Variants in EFR3B observed in about 807,000 individuals in gnomAD.
EFR3B encodes EFR3 homolog B.
A neutral mutation model predicts 104.7 loss-of-function variants in EFR3B; 64 were observed. The observed-to-expected ratio is 0.61, with a 90% CI of 0.50 to 0.75. The LOEUF (loss-of-function observed/expected upper bound fraction) is 0.75, where lower values mean the gene tolerates loss of function less well. EFR3B is among the 30% of genes least tolerant of loss of function. EFR3B has a pLI of 0.00. For missense variants in EFR3B, 750 were observed against 1,078.5 expected (o/e 0.70, Z 4.27); for synonymous variants, 385 against 417.9 (o/e 0.92, Z 0.96).
intron 1 of EFR3B, among the ~76,000 whole-genome samples, chr2:25,056,650 C>T (rs1668030697): frequency 6.6e-6 from 1 of 151,994 alleles, no homozygotes; most frequent in Non-Finnish European, 1.5e-5. Flanking sequence ...CTTCCCATTG[C>T]TGTCATCCAG....
In EFR3B at chr2:25,155,544, A is replaced by C. The variant is rs1395265445; in HGVS notation, c.*1204A>C. On this transcript the variant is annotated 3_prime_UTR_variant, in exon 23 of 23. Transcript: ENST00000403714. ...AATGAGGATGTGCAGAGAGGAGCTAACGCGGAGCCGGGCAGAGCCACCCAG... is the reference window on the plus strand; with the variant it reads ...AATGAGGATGTGCAGAGAGGAGCTACCGCGGAGCCGGGCAGAGCCACCCAG... 6.6e-6 allele frequency: 1 copy of C among 152,146 alleles called. No individual in the cohort carries two copies. 9.4% of individuals were successfully genotyped at this position (152,146 alleles called of 1,614,324 possible).
At chr2:25,067,423 T>G (rs1301566978) in intron 1 of EFR3B, among the ~76,000 whole-genome samples, 1 of 144,234 alleles carries the variant, frequency 6.9e-6, no homozygotes, top group Non-Finnish European at 1.5e-5. Flanking sequence ...CTTTTTAGTT[T>G]TTGTTTTTTT....
chr2:25,078,843 C>T (rs1189086078), intron 1 of EFR3B, among the ~76,000 whole-genome samples: 1 of 152,130 alleles, frequency 6.6e-6, no homozygotes, highest in Non-Finnish European at 1.5e-5. Flanking sequence ...TGTCAGGATC[C>T]GCCAGGTGTC....
chr2:25,057,534 C>T (rs1386969182), intron 1 of EFR3B, among the ~76,000 whole-genome samples: 2 of 152,162 alleles, frequency 1.3e-5, no homozygotes, highest in Non-Finnish European at 2.9e-5. Context: ...GTAATCCCAA[C>T]ACTTTGGGAG....
Position 25,154,179 on chromosome 2 carries a change from T to TG in EFR3B, c.2349-53dup. 6.7e-7 allele frequency: 1 copy of TG among 1,494,752 alleles called. No homozygotes were observed. The highest frequency in any genetic ancestry group is 9.1e-7 in the Non-Finnish European group (1 of 1,096,744). 92.6% of individuals were successfully genotyped at this position (1,494,752 alleles called of 1,614,324 possible). A position where few individuals can be genotyped will look rare whatever the true frequency, so the allele number is the denominator to read the frequency against. ...CCTACTCTGTTTGGTTGCACAAGGG[T>TG]GGGATCCTAAAATTCTCTTTTCATG... On this transcript the variant is annotated intron_variant, in intron 22 of 22. Transcript: ENST00000403714. The surrounding 1 kb of genome is among the most constrained non-coding windows in gnomAD (Gnocchi z 4.1).
At position 25,131,913 on chromosome 2, in the gene EFR3B, T is replaced by TGCGGC; in HGVS notation, c.1147+7_1147+11dup. The TGCGGC allele has an allele frequency of 8.8e-7, 1 of 1,131,750 alleles. No individual in the cohort carries two copies. The highest frequency in any genetic ancestry group is 1.1e-6 in the Non-Finnish European group (1 of 899,176). The allele number at this position is 1,131,750 out of a possible 1,614,324, so 70.1% of individuals were successfully genotyped here. On this transcript the variant is annotated splice_region_variant and intron_variant, in intron 10 of 22. Transcript: ENST00000403714. The surrounding 1 kb of genome is among the most constrained non-coding windows in gnomAD (Gnocchi z 7.6). ...AGGAGGCCGTCATCAAGACCGTGGG[T>TGCGGC]GCGGCGCGGGGCCGGGCCGGGGCGG...
chr2:25,127,308 T>C (rs1457419418), intron 5 of EFR3B, among the ~76,000 whole-genome samples: 2 of 151,674 alleles, frequency 1.3e-5, no homozygotes, highest in Non-Finnish European at 2.9e-5. Flanking sequence ...AACATGTTTA[T>C]GAAGAGTTAA....
Position 25,114,268 on chromosome 2 carries a change from A to G in EFR3B, c.364-7405A>G, listed in dbSNP as rs906977660. 3.9e-5 allele frequency among the ~76,000 whole-genome samples: 6 copies of G among 152,292 alleles called. No individual in the cohort carries two copies. In the South Asian group the frequency reaches 6.2e-4, roughly 16 times the overall value. The stretch of plus-strand genomic sequence containing the variant: ...GGTGGGCTCTCTAGGAGCTGCCCCA[A>G]CAGGGACCCACGGACAGCGCTCCCT... On this transcript the variant is annotated intron_variant, in intron 4 of 22. Transcript: ENST00000403714. This position sits in a 1 kb window ranked among gnomAD's most constrained non-coding sequence, Gnocchi z 4.0.
At chr2:25,084,997 A>G (rs1668910933) in intron 1 of EFR3B, among the ~76,000 whole-genome samples, 1 of 152,124 alleles carries the variant, frequency 6.6e-6, no homozygotes, top group Admixed American at 6.6e-5. Flanking sequence ...TGTTGTAAGG[A>G]TTACAAAAGT....
chr2:25,061,106 G>T (rs1239502215), intron 1 of EFR3B, among the ~76,000 whole-genome samples: 1 of 151,744 alleles, frequency 6.6e-6, no homozygotes, highest in Non-Finnish European at 1.5e-5. Context: ...CACAGGGGTT[G>T]GCACCTTGAA....
chr2:25,046,783 G>A (rs541600617), intron 1 of EFR3B, among the ~76,000 whole-genome samples: 10 of 152,266 alleles, frequency 6.6e-5, no homozygotes, highest in South Asian at 6.2e-4. Flanking sequence ...GATTACAGGC[G>A]TGAGCCACCG....
chr2:25,100,210 A>C (rs1357787065), intron 3 of EFR3B, among the ~76,000 whole-genome samples: 1 of 152,186 alleles, frequency 6.6e-6, no homozygotes, highest in Non-Finnish European at 1.5e-5. Context: ...GTCTCAAAAA[A>C]AAAATTTTTT....
intron 1 of EFR3B, among the ~76,000 whole-genome samples, chr2:25,044,705 C>T (rs1049475945): frequency 1.3e-5 from 2 of 152,162 alleles, no homozygotes; most frequent in African/African-American, 4.8e-5. Flanking sequence ...CACCTAAGAG[C>T]TTTAGGTAAA....
chr2:25,089,697 C>A (rs1418294485), intron 1 of EFR3B, among the ~76,000 whole-genome samples: 6 of 152,098 alleles, frequency 3.9e-5, no homozygotes, highest in Non-Finnish European at 8.8e-5. Context: ...CCAACCAGAA[C>A]CCCAACACCT....
At chr2:25,109,933 T>C (rs1401395674) in intron 4 of EFR3B, among the ~76,000 whole-genome samples, 1 of 152,208 alleles carries the variant, frequency 6.6e-6, no homozygotes, top group Non-Finnish European at 1.5e-5. Context: ...TTGCTTTTAC[T>C]GTGCCACAAC....
Position 25,157,107 on chromosome 2 carries a change from T to G in EFR3B, c.*2767T>G, listed in dbSNP as rs547051015. On this transcript the variant is annotated 3_prime_UTR_variant, in exon 23 of 23. Transcript: ENST00000403714. ...AGACAGAAAAGGTGCAGGTTCCCATTCTGCATAGATTCTGCTGTTTCCTCT... is the reference window on the plus strand; with the variant it reads ...AGACAGAAAAGGTGCAGGTTCCCATGCTGCATAGATTCTGCTGTTTCCTCT... The G allele has an allele frequency of 1.3e-5, 2 of 152,318 alleles. No individual in the cohort carries two copies. Among genetic ancestry groups the G allele is most frequent in the Admixed American group, 1.3e-4 (2 of 15,292 alleles). 9.4% of individuals were successfully genotyped at this position (152,318 alleles called of 1,614,324 possible). A position where few individuals can be genotyped will look rare whatever the true frequency, so the allele number is the denominator to read the frequency against.
chr2:25,122,695 A>G (rs894451613), intron 5 of EFR3B, among the ~76,000 whole-genome samples: 1 of 151,946 alleles, frequency 6.6e-6, no homozygotes, highest in Admixed American at 6.6e-5. Context: ...TCCCCTTGTC[A>G]GTGAAGCTGC....
intron 1 of EFR3B, among the ~76,000 whole-genome samples, chr2:25,060,261 A>C (rs1286096115): frequency 6.6e-6 from 1 of 152,204 alleles, no homozygotes; most frequent in African/African-American, 2.4e-5. Flanking sequence ...ATTTTTTAAA[A>C]AAGTTTTCAT....
chr2:25,052,496 CTTTTTTTT>C (rs56005417), intron 1 of EFR3B, among the ~76,000 whole-genome samples: 5 of 95,710 alleles, frequency 5.2e-5, no homozygotes, highest in South Asian at 6.8e-4. Context: ...AGGCAGAATT[CTTTTTTTT>C]TTTTTTTTTT....
Sources: allele counts gnomAD v4.1 joint callset (sites outside exome capture counted in the v4.1 genomes callset), GRCh38; gene constraint gnomAD v4.1.1; non-coding constraint Gnocchi (gnomAD v3.1); transcripts MANE v1.5; gene names NCBI Gene and HGNC (gene_info 2026-07-23, HGNC 2026-07-21).